CTNND2: variants seen among roughly 807,000 people sequenced by gnomAD.
The protein encoded by CTNND2 is catenin delta-2.
A neutral mutation model predicts 144.4 loss-of-function variants in CTNND2; 22 were observed. That is an observed-to-expected ratio of 0.15 (90% CI 0.11 to 0.22). The LOEUF (loss-of-function observed/expected upper bound fraction) is 0.22. Ranked by LOEUF, CTNND2 falls within the 10% of genes least tolerant of loss-of-function variation. The pLI, the probability that CTNND2 is intolerant of heterozygous loss-of-function variation, is 1.00. For missense variants in CTNND2, 1,353 were observed against 1,618.8 expected (o/e 0.84, Z 2.82); for synonymous variants, 751 against 695.6 (o/e 1.08, Z -1.25).
At chr5:11,044,285 G>A (rs548947115) in intron 16 of CTNND2, among the ~76,000 whole-genome samples, 2 of 152,160 alleles carry the variant, frequency 1.3e-5, no homozygotes, top group African/African-American at 4.8e-5. Flanking sequence ...CGACAGGGAG[G>A]TGAGTGATCA....
chr5:11,148,658 G>A (rs1477041733), intron 12 of CTNND2, among the ~76,000 whole-genome samples: 1 of 152,182 alleles, frequency 6.6e-6, no homozygotes, highest in Non-Finnish European at 1.5e-5. Context: ...CTGTCTTTCT[G>A]GGCTGCTGTC....
intron 9 of CTNND2, among the ~76,000 whole-genome samples, chr5:11,259,614 G>T (rs889138217): frequency 3.9e-5 from 6 of 152,188 alleles, no homozygotes; most frequent in African/African-American, 1.4e-4. Flanking sequence ...TGGGGTGGTT[G>T]GTTATGCAGC....
Position 11,201,688 on chromosome 5 carries a change from G to A in CTNND2, c.1762-2027C>T, listed in dbSNP as rs542467819. Among the ~76,000 whole-genome samples, 28 of 152,332 alleles carry A rather than the reference G, an allele frequency of 1.8e-4. 1 individual carries two copies. In the South Asian group the frequency reaches 5.6e-3, roughly 30 times the overall value. On this transcript the variant is annotated intron_variant, in intron 10 of 21. Coordinates refer to ENST00000304623, the MANE Select transcript of CTNND2 (RefSeq NM_001332.4). ...AGGGAACATGACAGGGAAGGAAGAGGGAGGGATGTAGAGGGACAGTGTGGT... is the reference window on the plus strand; with the variant it reads ...AGGGAACATGACAGGGAAGGAAGAGAGAGGGATGTAGAGGGACAGTGTGGT...
chr5:11,154,362 CT>C (rs1305769209), intron 12 of CTNND2, among the ~76,000 whole-genome samples: 4 of 152,166 alleles, frequency 2.6e-5, no homozygotes, highest in Admixed American at 6.5e-5. Context: ...GGATATGAAC[CT>C]TCTTTGGCCG....
At chr5:11,540,623 G>T (rs1290390269) in intron 3 of CTNND2, among the ~76,000 whole-genome samples, 1 of 152,042 alleles carries the variant, frequency 6.6e-6, no homozygotes, top group South Asian at 2.1e-4. Context: ...TTCAAGCCGG[G>T]CTCAGCCTCC....
At chr5:11,435,469 C>G (rs1024334937) in intron 3 of CTNND2, among the ~76,000 whole-genome samples, 1 of 152,118 alleles carries the variant, frequency 6.6e-6, no homozygotes, top group African/African-American at 2.4e-5. Context: ...TGTAAAGGCA[C>G]CGCTATTTCA....
At chr5:11,274,282 A>G (rs1173277172) in intron 9 of CTNND2, among the ~76,000 whole-genome samples, 3 of 152,212 alleles carry the variant, frequency 2.0e-5, no homozygotes, top group African/African-American at 7.2e-5. Context: ...CATTTCTTAA[A>G]GACTTTGGGC....
intron 1 of CTNND2, among the ~76,000 whole-genome samples, chr5:11,802,484 T>C (rs1307460288): frequency 2.0e-5 from 3 of 152,032 alleles, no homozygotes; most frequent in African/African-American, 7.2e-5. Context: ...GGAGAATTGC[T>C]TGAACCTAGA....
At chr5:11,781,668 T>C (rs1158595595) in intron 1 of CTNND2, among the ~76,000 whole-genome samples, 1 of 152,216 alleles carries the variant, frequency 6.6e-6, no homozygotes, top group African/African-American at 2.4e-5. Context: ...CAATACACAA[T>C]TTATACAGTT....
chr5:11,809,069 T>C (rs752484587), intron 1 of CTNND2, among the ~76,000 whole-genome samples: 13 of 152,174 alleles, frequency 8.5e-5, no homozygotes, highest in African/African-American at 3.1e-4. Flanking sequence ...GGTTGAGCAT[T>C]GCGCAAAATT....
At chr5:11,563,606 T>C (rs1158306237) in intron 3 of CTNND2, among the ~76,000 whole-genome samples, 1 of 152,182 alleles carries the variant, frequency 6.6e-6, no homozygotes, top group East Asian at 1.9e-4. Context: ...GATGTACGTA[T>C]TTGCAGCAAC....
At chr5:11,078,972 G>T (rs1221965750) in intron 16 of CTNND2, among the ~76,000 whole-genome samples, 7 of 152,168 alleles carry the variant, frequency 4.6e-5, no homozygotes, top group African/African-American at 1.4e-4. Context: ...CAGATTTGCA[G>T]CCTGGCCTTG....
At chr5:11,325,916 C>T (rs1203834614) in intron 9 of CTNND2, among the ~76,000 whole-genome samples, 1 of 152,200 alleles carries the variant, frequency 6.6e-6, no homozygotes, top group Non-Finnish European at 1.5e-5. Flanking sequence ...ACCCAAATGG[C>T]TTTTGTGTCC....
chr5:11,448,005 G>T (rs1764979035), intron 3 of CTNND2, among the ~76,000 whole-genome samples: 1 of 152,242 alleles, frequency 6.6e-6, no homozygotes, highest in Middle Eastern at 3.4e-3. Context: ...AGTTGAAACT[G>T]GCCCCTAAAT....
intron 11 of CTNND2, among the ~76,000 whole-genome samples, chr5:11,196,305 C>G (rs1421088797): frequency 2.6e-5 from 4 of 152,030 alleles, no homozygotes; most frequent in Non-Finnish European, 5.9e-5. Flanking sequence ...ATAATATATC[C>G]TAGTCTACAA....
intron 2 of CTNND2, among the ~76,000 whole-genome samples, chr5:11,629,150 C>T (rs577354851): frequency 2.0e-5 from 3 of 152,090 alleles, no homozygotes; most frequent in Non-Finnish European, 4.4e-5. Flanking sequence ...AATGTTAGAG[C>T]TATGCTTAAA....
chr5:11,116,441 T>C (rs1753556923), intron 13 of CTNND2, among the ~76,000 whole-genome samples: 1 of 152,252 alleles, frequency 6.6e-6, no homozygotes, highest in African/African-American at 2.4e-5. Context: ...GAAATCCTTA[T>C]TAAGAAATCA....
At chr5:11,117,738 C>A (rs968266016) in intron 12 of CTNND2, among the ~76,000 whole-genome samples, 171 bp from the exon 13 acceptor site, 1 of 152,176 alleles carries the variant, frequency 6.6e-6, no homozygotes, top group South Asian at 2.1e-4. Context: ...CAAAACACAT[C>A]CCAGAGTTGG....
intron 14 of CTNND2, among the ~76,000 whole-genome samples, chr5:11,105,481 T>C (rs1232954423): frequency 6.6e-6 from 1 of 152,176 alleles, no homozygotes; most frequent in African/African-American, 2.4e-5. Flanking sequence ...GCCGGCTCCC[T>C]GGAACAGAGA....
Sources: gnomAD v4.1 joint callset for allele counts (sites outside exome capture counted in the v4.1 genomes callset) on GRCh38, gnomAD v4.1.1 for gene constraint, MANE v1.5 for transcripts, NCBI Gene and HGNC (gene_info 2026-07-23, HGNC 2026-07-21) for gene names.